Variants in MAD1L1 observed in about 807,000 individuals in gnomAD.
The protein encoded by MAD1L1 is mitotic spindle assembly checkpoint protein MAD1.
Under a neutral mutation model 96.9 loss-of-function variants are expected in MAD1L1, and 95 were observed. The observed-to-expected ratio is 0.98, with a 90% CI of 0.83 to 1.16. The LOEUF (loss-of-function observed/expected upper bound fraction) is 1.16, where lower values mean the gene tolerates loss of function less well. MAD1L1 is among the 50% of genes most tolerant of loss of function. The probability of loss-of-function intolerance (pLI) is 0.00; values close to 1 mark genes in which losing one functional copy is unlikely to be tolerated. For synonymous variants in MAD1L1, 473 were observed against 396.6 expected, an observed-to-expected ratio of 1.19 and a Z score of -2.29; for missense variants, 1,007 against 954.4, an observed-to-expected ratio of 1.06 and a Z score of -0.73.
chr7:2,085,014 G>A (rs1161631206), intron 11 of MAD1L1, among the ~76,000 whole-genome samples: 1 of 152,164 alleles, frequency 6.6e-6, no homozygotes, highest in Non-Finnish European at 1.5e-5. Context: ...GTCCTTTACA[G>A]ACGAGATGGC....
chr7:2,186,129 G>T (rs74653474), intron 10 of MAD1L1, among the ~76,000 whole-genome samples: 1 of 152,168 alleles, frequency 6.6e-6, no homozygotes, highest in Non-Finnish European at 1.5e-5. Context: ...GTTAACAGAA[G>T]TATAATTTTG....
chr7:2,186,208 T>TA (rs1441461531), intron 10 of MAD1L1, among the ~76,000 whole-genome samples: 4 of 152,192 alleles, frequency 2.6e-5, no homozygotes, highest in African/African-American at 9.7e-5. Flanking sequence ...TTCCCATCAA[T>TA]AAAAAGAATG....
intron 18 of MAD1L1, among the ~76,000 whole-genome samples, chr7:1,840,601 C>T (rs965985081): frequency 2.6e-5 from 4 of 152,160 alleles, no homozygotes; most frequent in African/African-American, 4.8e-5. Context: ...TGGTGGCGGG[C>T]GCCTGTAATC....
chr7:2,089,457 T>C (rs1786095487), intron 11 of MAD1L1, among the ~76,000 whole-genome samples: 1 of 152,336 alleles, frequency 6.6e-6, no homozygotes, highest in African/African-American at 2.4e-5. Flanking sequence ...CCCACCATGA[T>C]TCGGAGCCCT....
intron 12 of MAD1L1, among the ~76,000 whole-genome samples, chr7:2,015,092 A>C (rs1782476480): frequency 6.6e-6 from 1 of 152,158 alleles, no homozygotes; most frequent in African/African-American, 2.4e-5. Context: ...GGCCCAGGGA[A>C]ACGACAGTGG....
At position 2,009,207 on chromosome 7, in the gene MAD1L1, G is replaced by A. The variant is rs192485765; in HGVS notation, c.1359+5295C>T. Among the ~76,000 whole-genome samples, 10 of 152,312 alleles carry A rather than the reference G, an allele frequency of 6.6e-5. No homozygotes were observed. The East Asian group carries it at 1.2e-3, about 18-fold the overall frequency. On this transcript the variant is annotated intron_variant, in intron 13 of 18. Transcript: ENST00000265854. ...GAGGTGCTGCACAGAGGCCTCAGCC[G>A]GGCTATTTTTATCCTGAGGTGAGAA...
At chr7:2,203,069 A>C (rs1584538512) in intron 10 of MAD1L1, among the ~76,000 whole-genome samples, 2 of 149,472 alleles carry the variant, frequency 1.3e-5, no homozygotes, top group African/African-American at 2.5e-5. Context: ...GCCCCTCCTC[A>C]CCCCCTCAGG....
intron 17 of MAD1L1, 118 bp downstream of exon 17, chr7:1,936,569 G>T (rs908858511): frequency 2.0e-5 from 21 of 1,073,244 alleles, no homozygotes; most frequent in African/African-American, 1.7e-4. Flanking sequence ...GCCCACAGGG[G>T]AGGACAAACC....
At chr7:1,974,807 C>T (rs529891000) in intron 15 of MAD1L1, among the ~76,000 whole-genome samples, 10 of 152,380 alleles carry the variant, frequency 6.6e-5, no homozygotes, top group African/African-American at 2.4e-4. Flanking sequence ...ATGCAGCGCA[C>T]AGAGCAGGCC....
chr7:2,204,037 G>A (rs1224522465), intron 10 of MAD1L1, among the ~76,000 whole-genome samples: 1 of 152,226 alleles, frequency 6.6e-6, no homozygotes, highest in African/African-American at 2.4e-5. Context: ...CATTTATGCA[G>A]CTTGTTCTGC....
rs778326965 is a variant in MAD1L1 at position 2,025,672 on chromosome 7, T to A, written c.1219-11030A>T. On this transcript the variant is annotated intron_variant, in intron 12 of 18. Transcript: ENST00000265854. The stretch of plus-strand genomic sequence containing the variant: ...AAATGAATATACAAAAACAGTATCT[T>A]TTCAAACACGTAAGTGTATGAATAA... Among the ~76,000 whole-genome samples the A allele has an allele frequency of 4.9e-4, 74 of 152,196 alleles. 3 individuals carry two copies. The highest frequency in any genetic ancestry group is 2.5e-4 in the Non-Finnish European group (17 of 68,032).
chr7:1,906,771 C>T (rs114403521), intron 17 of MAD1L1, among the ~76,000 whole-genome samples: 2,469 of 152,322 alleles, frequency 0.016, 60 homozygotes, highest in African/African-American at 0.057. Flanking sequence ...CGCAGGTGAG[C>T]GAAGCCACCA....
intron 11 of MAD1L1, among the ~76,000 whole-genome samples, chr7:2,135,599 T>C (rs947896881): frequency 2.0e-5 from 3 of 152,208 alleles, no homozygotes; most frequent in Non-Finnish European, 4.4e-5. Flanking sequence ...GACTGACAAG[T>C]GAGGGCAATG....
intron 18 of MAD1L1, among the ~76,000 whole-genome samples, chr7:1,822,040 C>G (rs1782152516): frequency 6.6e-6 from 1 of 152,080 alleles, no homozygotes; most frequent in Admixed American, 6.6e-5. Context: ...GCAGAAAACT[C>G]CTAGAATGAC....
chr7:2,191,282 G>A (rs950110648), intron 10 of MAD1L1, among the ~76,000 whole-genome samples: 4 of 152,152 alleles, frequency 2.6e-5, no homozygotes, highest in African/African-American at 9.7e-5. Context: ...CTGCCACTAG[G>A]AAGTCGCAAC....
chr7:2,039,610 G>A (rs1243253418), intron 12 of MAD1L1, among the ~76,000 whole-genome samples: 1 of 152,114 alleles, frequency 6.6e-6, no homozygotes, highest in Non-Finnish European at 1.5e-5. Flanking sequence ...TAATGATGTT[G>A]AACATCTTTC....
chr7:2,068,262 C>T (rs566082776), intron 12 of MAD1L1, among the ~76,000 whole-genome samples: 2 of 152,316 alleles, frequency 1.3e-5, no homozygotes, highest in Admixed American at 6.5e-5. Context: ...GGGACCTAGG[C>T]CCATGTGAAC....
rs565163352 is a variant in MAD1L1 at position 2,105,611 on chromosome 7, G to A, written c.1074-36273C>T. ...GCCCTGGGACCAGCCATGCAGCCTT[G>A]CCAAGGCCAGCCACGCACTGTGAAG... On this transcript the variant is annotated intron_variant, in intron 11 of 18. Coordinates refer to ENST00000265854, the MANE Select transcript of MAD1L1 (RefSeq NM_001013836.2). Among the ~76,000 whole-genome samples, 3 of 152,224 alleles carry A rather than the reference G, an allele frequency of 2.0e-5. No individual in the cohort carries two copies. In the South Asian group the frequency reaches 6.2e-4, roughly 32 times the overall value.
chr7:2,118,600 C>T (rs184023942), intron 11 of MAD1L1, among the ~76,000 whole-genome samples: 2 of 152,340 alleles, frequency 1.3e-5, no homozygotes, highest in Admixed American at 1.3e-4. Context: ...TGGTGACAGG[C>T]CCTCGATGTC....
Sources: allele counts gnomAD v4.1 joint callset (sites outside exome capture counted in the v4.1 genomes callset), GRCh38; gene constraint gnomAD v4.1.1; transcripts MANE v1.5; gene names NCBI Gene and HGNC (gene_info 2026-07-23, HGNC 2026-07-21).